Variants in ZC2HC1A observed in about 807,000 individuals in gnomAD.
The protein encoded by ZC2HC1A is zinc finger C2HC domain-containing protein 1A.
ZC2HC1A carries 28 observed loss-of-function variants against 40.7 expected under a neutral mutation model. The observed-to-expected ratio is 0.69, with a 90% CI of 0.51 to 0.94. The LOEUF (loss-of-function observed/expected upper bound fraction) is 0.94. Ranked by LOEUF, ZC2HC1A falls within the 40% of genes least tolerant of loss-of-function variation. The pLI, the probability that ZC2HC1A is intolerant of heterozygous loss-of-function variation, is 0.00. For synonymous variants in ZC2HC1A, 129 were observed against 129.2 expected (o/e 1.00, Z 0.01); for missense variants, 389 against 386.3 (o/e 1.01, Z -0.06).
At chr8:78,669,086 T>C (rs915908535) in intron 1 of ZC2HC1A, among the ~76,000 whole-genome samples, 13 of 152,184 alleles carry the variant, frequency 8.5e-5, no homozygotes, top group African/African-American at 3.1e-4. Context: ...ATTTCTGTTT[T>C]GTTTTATTTT....
chr8:78,700,790 G>T (rs1330286629), intron 7 of ZC2HC1A, among the ~76,000 whole-genome samples: 10 of 152,042 alleles, frequency 6.6e-5, no homozygotes. Context: ...TTTTTGTCAG[G>T]TTTGTCAAAT....
rs770062173 is a variant in ZC2HC1A, at chr8:78,697,510, A to T, written c.604+4A>T. The T allele has an allele frequency of 2.9e-5, 47 of 1,601,732 alleles. No homozygotes were observed. Among genetic ancestry groups the T allele is most frequent in the Non-Finnish European group, 4.0e-5 (47 of 1,176,144 alleles). ...GGCGCTGGCAAAACTGTTGTAGGTA[A>T]TGATAGCCGAAAAGCAACTTGATTT... On this transcript the variant is annotated splice_donor_region_variant and intron_variant, in intron 6 of 8. Coordinates refer to ENST00000263849, the MANE Select transcript of ZC2HC1A (RefSeq NM_016010.3).
chr8:78,713,276 G>A (rs1811003628), intron 7 of ZC2HC1A, among the ~76,000 whole-genome samples: 1 of 151,990 alleles, frequency 6.6e-6, no homozygotes, highest in African/African-American at 2.4e-5. Flanking sequence ...CATTCTAGAT[G>A]TTACTAAAAA....
chr8:78,704,983 A>G lies in ZC2HC1A; in HGVS notation c.704+6470A>G, dbSNP rs908482918. Among the ~76,000 whole-genome samples, 2 of 152,088 alleles carry G rather than the reference A, an allele frequency of 1.3e-5. 1 individual carries two copies. Among genetic ancestry groups the G allele is most frequent in the South Asian group, 4.1e-4 (2 of 4,826 alleles). On this transcript the variant is annotated intron_variant, in intron 7 of 8. Coordinates refer to ENST00000263849, the MANE Select transcript of ZC2HC1A (RefSeq NM_016010.3). ...TGTTCTTCTCTATACTGGCTATTTC[A>G]TCTGTTTGCTCCTGCAGTGTTTTAT...
At chr8:78,677,038 A>G (rs764915151) in intron 2 of ZC2HC1A, among the ~76,000 whole-genome samples, 1 of 152,100 alleles carries the variant, frequency 6.6e-6, no homozygotes, top group Non-Finnish European at 1.5e-5. Context: ...GGTTGTTGAA[A>G]TGAAAACTGA....
intron 2 of ZC2HC1A, among the ~76,000 whole-genome samples, chr8:78,678,123 A>G (rs1230268930): frequency 1.3e-5 from 2 of 152,038 alleles, no homozygotes; most frequent in South Asian, 2.1e-4. Context: ...TTTATTAGAA[A>G]GGTCTTTATG....
chr8:78,699,371 A>C (rs1196131258), intron 7 of ZC2HC1A, among the ~76,000 whole-genome samples: 2 of 152,178 alleles, frequency 1.3e-5, no homozygotes, highest in African/African-American at 4.8e-5. Context: ...AAATTAAGGG[A>C]TTACCACAGG....
At chr8:78,672,030 TC>T (rs1319479697) in intron 1 of ZC2HC1A, among the ~76,000 whole-genome samples, 2 of 152,136 alleles carry the variant, frequency 1.3e-5, no homozygotes, top group African/African-American at 2.4e-5. Flanking sequence ...AGCTTAAGTA[TC>T]TTGCCTGAGG....
chr8:78,711,083 G>C (rs1489035391), intron 7 of ZC2HC1A, among the ~76,000 whole-genome samples: 1 of 152,040 alleles, frequency 6.6e-6, no homozygotes, highest in African/African-American at 2.4e-5. Flanking sequence ...TAGATGCTCA[G>C]GGTTTATAGT....
At chr8:78,690,228 C>A (rs1810162680) in intron 5 of ZC2HC1A, among the ~76,000 whole-genome samples, 1 of 152,138 alleles carries the variant, frequency 6.6e-6, no homozygotes, top group Non-Finnish European at 1.5e-5. Context: ...GCCTTAAAAT[C>A]AAGTAGTCTA....
At chr8:78,715,583 A>G (rs1811076360) in intron 8 of ZC2HC1A, among the ~76,000 whole-genome samples, 1 of 152,222 alleles carries the variant, frequency 6.6e-6, no homozygotes, top group African/African-American at 2.4e-5. Flanking sequence ...ATCCACATTA[A>G]TAAGAGTTTG....
intron 4 of ZC2HC1A, 120 bp downstream of exon 4, chr8:78,686,728 T>C: frequency 9.1e-7 from 1 of 1,096,804 alleles, no homozygotes; most frequent in South Asian, 4.1e-5. Context: ...GCATAATCTT[T>C]AAAATTTGGT....
At chr8:78,674,151 G>C (rs944179237) in intron 1 of ZC2HC1A, among the ~76,000 whole-genome samples, 1 of 152,070 alleles carries the variant, frequency 6.6e-6, no homozygotes, top group Non-Finnish European at 1.5e-5. Context: ...AGCAATAATT[G>C]TGTTATTCTG....
chr8:78,717,291 C>G (rs780097833), intron 8 of ZC2HC1A, 37 bp from the exon 9 acceptor site: 1 of 1,583,258 alleles, frequency 6.3e-7, no homozygotes. Flanking sequence ...ACTACTGATA[C>G]AAACTTTATC....
chr8:78,668,738 T>A (rs1809368684), intron 1 of ZC2HC1A, among the ~76,000 whole-genome samples: 1 of 152,168 alleles, frequency 6.6e-6, no homozygotes, highest in African/African-American at 2.4e-5. Flanking sequence ...ACCTTTTAAT[T>A]CCTTTTCATC....
chr8:78,696,778 T>G (rs971038672), intron 5 of ZC2HC1A, among the ~76,000 whole-genome samples: 32 of 152,216 alleles, frequency 2.1e-4, no homozygotes, highest in African/African-American at 7.5e-4. Flanking sequence ...GTTCAGGTCC[T>G]AGGTCATCTT....
At chr8:78,686,694 CTTACAATCATGGAGTG>C (rs1427120544) in intron 4 of ZC2HC1A, 86 bp downstream of exon 4, 1 of 1,320,756 alleles carries the variant, frequency 7.6e-7, no homozygotes, top group African/African-American at 1.5e-5. Flanking sequence ...TTAAGCTTAA[CTTACAATCATGGAGTG>C]TTATGAGGCA....
intron 1 of ZC2HC1A, among the ~76,000 whole-genome samples, chr8:78,666,663 T>A (rs1007950535): frequency 6.6e-6 from 1 of 152,178 alleles, no homozygotes; most frequent in African/African-American, 2.4e-5. Flanking sequence ...TTCGACAGCA[T>A]CTTCTGTCGG....
intron 1 of ZC2HC1A, among the ~76,000 whole-genome samples, chr8:78,666,562 G>T (rs1254049327): frequency 6.6e-6 from 1 of 152,136 alleles, no homozygotes; most frequent in African/African-American, 2.4e-5. Context: ...ACACCAACAG[G>T]CCACTTTGTG....
Sources: allele counts gnomAD v4.1 joint callset (sites outside exome capture counted in the v4.1 genomes callset), GRCh38; gene constraint gnomAD v4.1.1; transcripts MANE v1.5; gene names NCBI Gene and HGNC (gene_info 2026-07-23, HGNC 2026-07-21).